Variants in SLC5A1 observed in about 807,000 individuals in gnomAD.
The protein encoded by SLC5A1 is solute carrier family 5 member 1.
In SLC5A1, 42 loss-of-function variants were observed where a neutral mutation model predicts 73.5. That is an observed-to-expected ratio of 0.57 (90% confidence interval 0.45 to 0.74). The LOEUF (loss-of-function observed/expected upper bound fraction) is 0.74. Ranked by LOEUF, SLC5A1 falls within the 30% of genes least tolerant of loss-of-function variation. SLC5A1 has a pLI of 0.00. For synonymous variants in SLC5A1, 300 were observed against 317.4 expected, an observed-to-expected ratio of 0.95 and a Z score of 0.58; for missense variants, 634 against 855.4, an observed-to-expected ratio of 0.74 and a Z score of 3.23.
chr22:32,112,939 A>C lies in SLC5A1; in HGVS notation c.*2726A>C, dbSNP rs1370203379. On this transcript the variant is annotated 3_prime_UTR_variant, in exon 15 of 15. Transcript: ENST00000266088. ...AATTACCTTAATTTAGTCATTTCAC[A>C]ATATGTACATATATAAAAATATGTT... 6.6e-6 allele frequency: 1 copy of C among 152,226 alleles called. No individual in the cohort carries two copies. The highest frequency in any genetic ancestry group is 1.5e-5 in the Non-Finnish European group (1 of 68,046). The allele number at this position is 152,226 out of a possible 1,614,324, so 9.4% of individuals were successfully genotyped here. A position where few individuals can be genotyped will look rare whatever the true frequency, so the allele number is the denominator to read the frequency against.
At chr22:32,076,836 G>A (rs1024492106) in intron 5 of SLC5A1, among the ~76,000 whole-genome samples, 7 of 152,230 alleles carry the variant, frequency 4.6e-5, no homozygotes, top group African/African-American at 1.4e-4. Flanking sequence ...ACTTGCAGAT[G>A]CTTTCCAACG....
Position 32,067,023 on chromosome 22 carries a change from G to T in SLC5A1, c.296G>T (p.Gly99Val). The T allele has an allele frequency of 1.2e-6, 2 of 1,613,142 alleles. No homozygotes were observed. The highest frequency in any genetic ancestry group is 2.2e-5 in the South Asian group (2 of 91,050). ...GGGGCAGCTTCAGGCATCGCCATTG[G>T]AGGCTTTGAATGGAATGTGAGTAAC... ...GTGAASGIAIGGFEWNALVLV... is the reference protein window; with the variant it reads ...GTGAASGIAIVGFEWNALVLV... The change falls in exon 3 of 15, where the codon GGA becomes GTA. Residue 99 changes from glycine to valine, a missense_variant. Physicochemically the swap from Gly to Val is moderately radical, Grantham distance 109 (BLOSUM62 -3). Transcript: ENST00000266088.
intron 2 of SLC5A1, among the ~76,000 whole-genome samples, chr22:32,056,447 T>TC: frequency 6.6e-6 from 1 of 151,382 alleles, no homozygotes; most frequent in East Asian, 1.9e-4. Context: ...CTTTTTTTTT[T>TC]TTTTTTTTTA....
At chr22:32,084,742 T>C (rs1298778061) in intron 8 of SLC5A1, 83 bp downstream of exon 8, 1 of 1,517,396 alleles carries the variant, frequency 6.6e-7, no homozygotes, top group East Asian at 2.3e-5. Context: ...TTTGCAGGGT[T>C]GGGACAGGGA....
intron 9 of SLC5A1, among the ~76,000 whole-genome samples, chr22:32,085,784 G>A (rs1243087950): frequency 1.3e-5 from 2 of 152,096 alleles, no homozygotes; most frequent in South Asian, 2.1e-4. Flanking sequence ...GTGGAGAGCT[G>A]CACTCCTGAG....
Position 32,111,711 on chromosome 22 carries a change from C to G in SLC5A1, c.*1498C>G, listed in dbSNP as rs1445185068. ...TAAATCAATGGGAATGCATTTGTTG[C>G]TCCCAGGACCCTGGCACCTTGACTC... On this transcript the variant is annotated 3_prime_UTR_variant, in exon 15 of 15. Coordinates refer to ENST00000266088, the MANE Select transcript of SLC5A1 (RefSeq NM_000343.4). 1.3e-5 allele frequency: 2 copies of G among 152,266 alleles called. No individual in the cohort carries two copies. Among genetic ancestry groups the G allele is most frequent in the East Asian group, 3.9e-4 (2 of 5,172 alleles). The allele number at this position is 152,266 out of a possible 1,614,324, so 9.4% of individuals were successfully genotyped here. A position where few individuals can be genotyped will look rare whatever the true frequency, so the allele number is the denominator to read the frequency against.
chr22:32,105,126 A>C (rs1157169611), intron 14 of SLC5A1, among the ~76,000 whole-genome samples: 1 of 152,044 alleles, frequency 6.6e-6, no homozygotes. Context: ...ATATTTAAAA[A>C]ATTTTTGTGA....
intron 4 of SLC5A1, 84 bp from the exon 5 acceptor site, chr22:32,068,412 A>G: frequency 3.3e-6 from 3 of 898,386 alleles, no homozygotes; most frequent in South Asian, 2.6e-5. Flanking sequence ...TGTGGCTCTG[A>G]TATTAGGATG....
rs541654306 is a variant in SLC5A1, at chr22:32,083,087, G to A, written c.597G>A (p.Ala199=). 2.4e-5 allele frequency: 39 copies of A among 1,614,138 alleles called. No homozygotes were observed. Among genetic ancestry groups the A allele is most frequent in the African/African-American group, 1.6e-4 (12 of 75,028 alleles). ...ALYTITGGLA[A]VIYTDTLQTV... is the part of the protein sequence containing the mutation. ...TTGCCTGCTTAGGGGGCCTGGCGGC[G>A]GTGATTTACACGGACACCTTGCAGA... Residue 199 remains alanine (A), a synonymous_variant, in exon 7 of 15, where the codon GCG becomes GCA. Transcript: ENST00000266088.
At chr22:32,055,210 T>G (rs2093950018) in intron 2 of SLC5A1, among the ~76,000 whole-genome samples, 1 of 152,132 alleles carries the variant, frequency 6.6e-6, no homozygotes, top group South Asian at 2.1e-4. Flanking sequence ...ATGAAGGTAA[T>G]GAGTGAAAGA....
At position 32,043,880 on chromosome 22, in the gene SLC5A1, A is replaced by C. The variant is rs1051815743; in HGVS notation, c.135+464A>C. Among the ~76,000 whole-genome samples the C allele has an allele frequency of 1.3e-5, 2 of 152,154 alleles. No individual in the cohort carries two copies. The highest frequency in any genetic ancestry group is 4.1e-4 in the South Asian group (2 of 4,828). On this transcript the variant is annotated intron_variant, in intron 1 of 14. Transcript: ENST00000266088. The surrounding 1 kb of genome is among the most constrained non-coding windows in gnomAD (Gnocchi z 6.5). ...GCCAGCCCCAGAGATGGGGATGCTG[A>C]GGTGGCAGACAGAGGGATGCTGACC... is the stretch of plus-strand genomic sequence containing the variant.
At chr22:32,076,308 G>A (rs766753527) in intron 5 of SLC5A1, among the ~76,000 whole-genome samples, 120 of 152,206 alleles carry the variant, frequency 7.9e-4, no homozygotes, top group Non-Finnish European at 1.3e-3. Flanking sequence ...GTCCTTCCAT[G>A]AGCTCCTGAA....
chr22:32,108,693 T>C (rs1163380172), intron 14 of SLC5A1, among the ~76,000 whole-genome samples: 1 of 152,136 alleles, frequency 6.6e-6, no homozygotes, highest in Non-Finnish European at 1.5e-5. Flanking sequence ...AGAGGCTCTC[T>C]CATTAAATCA....
chr22:32,070,367 C>T (rs1231415274), intron 5 of SLC5A1, among the ~76,000 whole-genome samples: 1 of 149,824 alleles, frequency 6.7e-6, no homozygotes, highest in Admixed American at 6.7e-5. Flanking sequence ...GCTGTATTAC[C>T]CAGACTGCCA....
In SLC5A1 at chr22:32,068,487, C is replaced by T. The variant is rs199690019; in HGVS notation, c.373-9C>T. 99 of 1,599,602 alleles carry T rather than the reference C, an allele frequency of 6.2e-5. 1 individual carries two copies. The South Asian group carries it at 6.5e-4, about 11-fold the overall frequency. On this transcript the variant is annotated splice_polypyrimidine_tract_variant and intron_variant, in intron 4 of 14. Coordinates refer to ENST00000266088, the MANE Select transcript of SLC5A1 (RefSeq NM_000343.4). ...TGGCTGGCAGTGACCTCCCTCGCAC[C>T]CCATGCAGGTGGTGACAATGCCAGA...
chr22:32,045,886 A>G (rs2093936479), intron 1 of SLC5A1, among the ~76,000 whole-genome samples: 1 of 152,206 alleles, frequency 6.6e-6, no homozygotes, highest in Admixed American at 6.5e-5. Flanking sequence ...TCTGTCTCAC[A>G]GCCTGTTTTT....
chr22:32,049,087 AATAAATAT>A (rs1384046052), intron 1 of SLC5A1, among the ~76,000 whole-genome samples: 2 of 128,198 alleles, frequency 1.6e-5, no homozygotes, highest in Non-Finnish European at 1.5e-5. Flanking sequence ...TAAATAAATA[AATAAATAT>A]ATATATATAT....
chr22:32,101,824 C>T (rs922583820), intron 12 of SLC5A1, among the ~76,000 whole-genome samples, 198 bp from the exon 13 acceptor site: 11 of 152,106 alleles, frequency 7.2e-5, no homozygotes, highest in African/African-American at 2.7e-4. Flanking sequence ...GATAGACAGA[C>T]ACACTGAGTG....
chr22:32,083,950 A>C (rs1477024787), intron 7 of SLC5A1, among the ~76,000 whole-genome samples: 1 of 152,080 alleles, frequency 6.6e-6, no homozygotes, highest in Non-Finnish European at 1.5e-5. Context: ...TGGATTCCTC[A>C]CCCATTCCCT....
Sources: allele counts gnomAD v4.1 joint callset (sites outside exome capture counted in the v4.1 genomes callset), GRCh38; gene constraint gnomAD v4.1.1; non-coding constraint Gnocchi (gnomAD v3.1); transcripts MANE v1.5; gene names NCBI Gene and HGNC (gene_info 2026-07-23, HGNC 2026-07-21).